The following NAA38 variants were observed in gnomAD, a reference collection of about 807,000 sequenced individuals.
The protein encoded by NAA38 is LSM domain containing 1.
A neutral mutation model predicts 12.6 loss-of-function variants in NAA38; 15 were observed. That is an observed-to-expected ratio of 1.19 (90% CI 0.79 to 1.83). The LOEUF is 1.83. Among genes scored for constraint, NAA38 ranks in the 40% most tolerant of loss-of-function variants. The pLI, the probability that NAA38 is intolerant of heterozygous loss-of-function variation, is 0.00. For synonymous variants in NAA38, 88 were observed against 69.9 expected (o/e 1.26, Z -1.29); for missense variants, 183 against 171.7 (o/e 1.07, Z -0.37).
upstream of NAA38, chr17:7,858,532 T>C (rs2078853473): frequency 2.2e-5 from 36 of 1,613,720 alleles, no homozygotes; most frequent in South Asian, 4.0e-4. Flanking sequence ...AGAGCGGGGA[T>C]GGGAAGGAAA....
intron 3 of NAA38, chr17:7,864,766 C>G (rs1294444312): frequency 6.6e-6 from 1 of 151,894 alleles, no homozygotes; most frequent in South Asian, 2.1e-4. Flanking sequence ...GGTGTGGTGG[C>G]AAGTGCCTAT....
intron 2 of NAA38, among the ~76,000 whole-genome samples, chr17:7,870,652 TG>T (rs1967069763): frequency 6.6e-6 from 1 of 151,604 alleles, no homozygotes; most frequent in Non-Finnish European, 1.5e-5. Context: ...GTGGCCGAGG[TG>T]GGCAGATCAC....
intron 2 of NAA38, among the ~76,000 whole-genome samples, chr17:7,876,007 G>C (rs1967169185): frequency 6.6e-6 from 1 of 151,890 alleles, no homozygotes; most frequent in African/African-American, 2.4e-5. Flanking sequence ...ATATTCCATT[G>C]TATGGATATA....
chr17:7,878,386 A>G (rs1250233745), intron 2 of NAA38, among the ~76,000 whole-genome samples: 1 of 152,018 alleles, frequency 6.6e-6, no homozygotes, highest in Non-Finnish European at 1.5e-5. Context: ...AAATGTAAAA[A>G]AAAAAAAAGT....
rs766512052 is a variant in NAA38, at chr17:7,856,860, GAGCATCAGGAAAGTAGGCCAGA to G, written c.266-39_266-18del. ...AGAAGGAATCTGGAAAGAAGGATCA[GAGCATCAGGAAAGTAGGCCAGA>G]ATCAGTCCCGCCCCTCTGAGCCACG... On this transcript the variant is annotated intron_variant, in intron 2 of 2. Coordinates refer to ENST00000575771, the MANE Select transcript of NAA38 (RefSeq NM_001320925.4). 46 of 1,612,494 alleles carry G rather than the reference GAGCATCAGGAAAGTAGGCCAGA, an allele frequency of 2.9e-5. 2 individuals are homozygous for G. The South Asian group carries it at 4.8e-4, about 17-fold the overall frequency.
chr17:7,858,699 G>C (rs751049726), upstream of NAA38: 12 of 1,611,300 alleles, frequency 7.4e-6, no homozygotes. Flanking sequence ...GCCCTGTTCG[G>C]ACTGGGCCAA....
chr17:7,866,723 C>T (rs1966990035), intron 2 of NAA38, among the ~76,000 whole-genome samples: 1 of 152,084 alleles, frequency 6.6e-6, no homozygotes. Context: ...ACACGCCCTC[C>T]CCAGGGTGTT....
At chr17:7,858,240 G>T, upstream of NAA38, 1 of 1,614,050 alleles carries the variant, frequency 6.2e-7, no homozygotes, top group Non-Finnish European at 8.5e-7. Context: ...AGACCTCTGG[G>T]TATCTTACCT....
chr17:7,857,007 G>C lies in NAA38; in HGVS notation c.265+8C>G, dbSNP rs1257549316. On this transcript the variant is annotated splice_region_variant and intron_variant, in intron 2 of 2. Transcript: ENST00000575771. Reference sequence around the variant, plus strand: ...TACCAGGCGGGTGTGCATTCCCCGGGCACTGACCCGACGGCTTGAGGAACT... The same window carrying C: ...TACCAGGCGGGTGTGCATTCCCCGGCCACTGACCCGACGGCTTGAGGAACT... 2.1e-5 allele frequency: 33 copies of C among 1,601,646 alleles called. No homozygotes were observed. The highest frequency in any genetic ancestry group is 2.8e-5 in the Non-Finnish European group (33 of 1,171,428).
intron 1 of NAA38, chr17:7,884,899 G>C: frequency 2.2e-6 from 3 of 1,390,242 alleles, no homozygotes; most frequent in Admixed American, 4.6e-5. Context: ...GCGACGAGGA[G>C]GAGGAGGAGG....
intron 2 of NAA38, among the ~76,000 whole-genome samples, chr17:7,875,378 C>T (rs996490426): frequency 6.6e-6 from 1 of 151,936 alleles, no homozygotes; most frequent in Admixed American, 6.6e-5. Flanking sequence ...CTGTGTTGCC[C>T]AGGCTGCAGT....
rs1476315958 is a variant in NAA38, at chr17:7,884,446, T to TTATATATATATATATATA, written c.-167+718_-167+719insTATATATATATATATATA. 6.8e-5 allele frequency among the ~76,000 whole-genome samples: 7 copies of TTATATATATATATATATA among 102,284 alleles called. No homozygotes were observed. In the East Asian group the frequency reaches 3.2e-3, roughly 46 times the overall value. The allele number at this position is 102,284 out of a possible 152,430, so 67.1% of individuals were successfully genotyped here. ...GGGGGCAGAGAGAAGTCGAAAACTT[T>TTATATATATATATATATA]TATATATATACATATATATATATAT... is the stretch of plus-strand genomic sequence containing the variant. On this transcript the variant is annotated intron_variant, in intron 1 of 4. Transcript: ENST00000576861.
intron 2 of NAA38, among the ~76,000 whole-genome samples, chr17:7,875,738 C>T (rs539979397): frequency 1.3e-5 from 2 of 152,296 alleles, no homozygotes; most frequent in South Asian, 2.1e-4. Flanking sequence ...GTGCAACTAT[C>T]ACCATTATCC....
upstream of NAA38, chr17:7,858,543 G>T: frequency 6.2e-7 from 1 of 1,613,646 alleles, no homozygotes; most frequent in South Asian, 1.1e-5. Flanking sequence ...GGGAAGGAAA[G>T]GCGGAGGCTA....
chr17:7,859,320 A>G (rs143823409), upstream of NAA38: 25 of 1,366,548 alleles, frequency 1.8e-5, no homozygotes, highest in East Asian at 5.9e-4. Flanking sequence ...CTTTGATCCC[A>G]GCGTGTGTAT....
At chr17:7,859,450 C>T (rs778102440), upstream of NAA38, 3 of 1,614,114 alleles carry the variant, frequency 1.9e-6, no homozygotes, top group Non-Finnish European at 2.5e-6. Context: ...ATGCTGCCAG[C>T]TACACGTGGA....
chr17:7,873,075 A>G (rs548393914), intron 2 of NAA38, among the ~76,000 whole-genome samples: 1 of 152,322 alleles, frequency 6.6e-6, no homozygotes, highest in Admixed American at 6.5e-5. Context: ...TAAAAGGGTA[A>G]TTCCATTGAC....
upstream of NAA38, chr17:7,857,969 T>G (rs2078844807): frequency 6.8e-7 from 1 of 1,476,366 alleles, no homozygotes; most frequent in Admixed American, 2.5e-5. Flanking sequence ...CCGCCCCTGA[T>G]ATTTATCTCA....
At chr17:7,857,298 G>A (rs1567811432) in intron 1 of NAA38, 85 bp downstream of exon 1, 2 of 1,611,940 alleles carry the variant, frequency 1.2e-6, no homozygotes, top group Admixed American at 3.3e-5. Flanking sequence ...ACAAAGCCCA[G>A]AGGCTGCCGG....
Sources: gnomAD v4.1 joint callset for allele counts (sites outside exome capture counted in the v4.1 genomes callset) on GRCh38, gnomAD v4.1.1 for gene constraint, MANE v1.5 for transcripts, NCBI Gene and HGNC (gene_info 2026-07-23, HGNC 2026-07-21) for gene names.